GRIK2: variants seen among roughly 807,000 people sequenced by gnomAD.
The protein encoded by GRIK2 is glutamate ionotropic receptor kainate type subunit 2.
A neutral mutation model predicts 100.3 loss-of-function variants in GRIK2; 32 were observed. The observed-to-expected ratio is 0.32, with a 90% CI of 0.24 to 0.43. The LOEUF is 0.43. GRIK2 is among the 20% of genes least tolerant of loss of function. GRIK2 has a pLI of 1.00. For synonymous variants in GRIK2, 417 were observed against 389.4 expected (o/e 1.07, Z -0.83); for missense variants, 843 against 1,114.9 (o/e 0.76, Z 3.47).
intron 11 of GRIK2, among the ~76,000 whole-genome samples, chr6:101,876,484 A>AACAGACACACACACACAC (rs368176541): frequency 1.3e-5 from 2 of 148,802 alleles, no homozygotes; most frequent in African/African-American, 5.0e-5. Flanking sequence ...AACAAAAACA[A>AACAGACACACACACACAC]ACACACACAC....
Position 101,664,574 on chromosome 6 carries a change from C to T in GRIK2, c.542-12049C>T, listed in dbSNP as rs140263684. On this transcript the variant is annotated intron_variant, in intron 4 of 16. Coordinates refer to ENST00000369134, the MANE Select transcript of GRIK2 (RefSeq NM_021956.5). ...AGAAGCCAAAAGGTTTTAGCCTTGG[C>T]ATGGCCAAAAGCACTGCTTACTTTT... Among the ~76,000 whole-genome samples, 1,230 of 152,340 alleles carry T rather than the reference C, an allele frequency of 8.1e-3. 13 individuals carry two copies. The highest frequency in any genetic ancestry group is 0.026 in the African/African-American group (1,101 of 41,572).
Position 102,013,835 on chromosome 6 carries a change from A to G in GRIK2, c.2086-21506A>G, listed in dbSNP as rs1244047187. On this transcript the variant is annotated intron_variant, in intron 14 of 16. Transcript: ENST00000369134. ...GTGCTGCTAGATTCAATTTACTAGT[A>G]TTTTGTTGAGGATTTTGCATCAGTG... Among the ~76,000 whole-genome samples, 13 of 152,064 alleles carry G rather than the reference A, an allele frequency of 8.5e-5. No homozygotes were observed. In the East Asian group the frequency reaches 2.1e-3, roughly 25 times the overall value.
intron 7 of GRIK2, among the ~76,000 whole-genome samples, chr6:101,765,993 A>G (rs1267764723): frequency 6.6e-6 from 1 of 152,140 alleles, no homozygotes; most frequent in Non-Finnish European, 1.5e-5. Flanking sequence ...GTTTAATATC[A>G]TTAACATTTA....
intron 10 of GRIK2, among the ~76,000 whole-genome samples, chr6:101,847,995 T>C (rs1008471440): frequency 6.6e-6 from 1 of 152,064 alleles, no homozygotes. Flanking sequence ...GGAAGCTCCT[T>C]ATGCAGATGA....
At chr6:101,639,028 G>C (rs1255756885) in intron 4 of GRIK2, among the ~76,000 whole-genome samples, 2 of 151,972 alleles carry the variant, frequency 1.3e-5, no homozygotes, top group Non-Finnish European at 2.9e-5. Flanking sequence ...GTAAGGACTT[G>C]TCCACGTAAA....
chr6:101,790,906 A>C (rs1485927659), intron 7 of GRIK2, among the ~76,000 whole-genome samples: 1 of 151,910 alleles, frequency 6.6e-6, no homozygotes, highest in Non-Finnish European at 1.5e-5. Context: ...GTCTATTCAG[A>C]GATTCAACTT....
At chr6:101,920,475 C>T (rs2791798) in intron 12 of GRIK2, among the ~76,000 whole-genome samples, 142,373 of 151,922 alleles carry the variant, frequency 0.94, 66,753 homozygotes, top group Middle Eastern at 0.97. Flanking sequence ...ATAACAAGAG[C>T]AGATGAGAAG....
chr6:101,831,736 A>AT (rs1312104500), intron 10 of GRIK2, among the ~76,000 whole-genome samples: 1 of 152,022 alleles, frequency 6.6e-6, no homozygotes, highest in African/African-American at 2.4e-5. Flanking sequence ...ATTTCTGTGT[A>AT]TTTTTTCCTG....
At chr6:101,572,041 CT>C (rs879574330) in intron 2 of GRIK2, among the ~76,000 whole-genome samples, 3 of 151,990 alleles carry the variant, frequency 2.0e-5, no homozygotes, top group Admixed American at 6.6e-5. Flanking sequence ...ACAGGCCAAT[CT>C]TTATTTTTGT....
intron 2 of GRIK2, among the ~76,000 whole-genome samples, chr6:101,551,589 A>C (rs1776509875): frequency 6.6e-6 from 1 of 152,146 alleles, no homozygotes; most frequent in Non-Finnish European, 1.5e-5. Flanking sequence ...TTTAATAAAC[A>C]AGAATTTGTT....
chr6:101,471,280 A>T (rs1416395007), intron 2 of GRIK2, among the ~76,000 whole-genome samples: 2 of 152,036 alleles, frequency 1.3e-5, no homozygotes, highest in Non-Finnish European at 2.9e-5. Context: ...CTCTCATATT[A>T]TACCTAATAC....
At chr6:101,425,545 T>C (rs970104280) in intron 2 of GRIK2, among the ~76,000 whole-genome samples, 3 of 152,308 alleles carry the variant, frequency 2.0e-5, no homozygotes, top group East Asian at 1.9e-4. Context: ...GCATCTTTTT[T>C]CCCAAATTTT....
intron 14 of GRIK2, among the ~76,000 whole-genome samples, chr6:101,933,617 A>G (rs191250781): frequency 6.6e-5 from 10 of 152,036 alleles, no homozygotes; most frequent in Admixed American, 6.6e-4. Flanking sequence ...TGTGTGCCCT[A>G]AATCAATGCC....
chr6:101,463,042 G>T (rs1771418605), intron 2 of GRIK2, among the ~76,000 whole-genome samples: 1 of 152,120 alleles, frequency 6.6e-6, no homozygotes. Context: ...TAAATCAATG[G>T]TTAGCCATCT....
intron 2 of GRIK2, among the ~76,000 whole-genome samples, chr6:101,522,426 A>G (rs1026569190): frequency 1.3e-5 from 2 of 152,172 alleles, no homozygotes; most frequent in African/African-American, 4.8e-5. Flanking sequence ...ACACAAGCCT[A>G]TCGTGGATTG....
At chr6:101,805,875 G>GA (rs1375095973) in intron 9 of GRIK2, among the ~76,000 whole-genome samples, 1 of 152,018 alleles carries the variant, frequency 6.6e-6, no homozygotes, top group Non-Finnish European at 1.5e-5. Flanking sequence ...GATAAACCAG[G>GA]AAGAAACCAG....
At chr6:101,969,223 CTATTG>C (rs1256265363) in intron 14 of GRIK2, among the ~76,000 whole-genome samples, 1 of 151,782 alleles carries the variant, frequency 6.6e-6, no homozygotes, top group Non-Finnish European at 1.5e-5. Flanking sequence ...TGGCAAACAG[CTATTG>C]TATTAATATT....
At position 102,065,808 on chromosome 6, in the gene GRIK2, T is replaced by C. The variant is rs745891503; in HGVS notation, c.2563-2539T>C. The C allele has an allele frequency of 3.9e-6, 6 of 1,523,562 alleles. No homozygotes were observed. In the South Asian group the frequency reaches 4.8e-5, roughly 12 times the overall value. 94.4% of individuals were successfully genotyped at this position (1,523,562 alleles called of 1,614,324 possible). A position where few individuals can be genotyped will look rare whatever the true frequency, so the allele number is the denominator to read the frequency against. ...AAATGTTTCAACAGAGAGCCAAGAC[T>C]AAGTTACCTCAAGACTATGTATTCC... On this transcript the variant is annotated intron_variant, in intron 16 of 16. Coordinates refer to ENST00000369134, the MANE Select transcript of GRIK2 (RefSeq NM_021956.5).
At chr6:101,877,481 A>G (rs984220822) in intron 11 of GRIK2, among the ~76,000 whole-genome samples, 10 of 151,988 alleles carry the variant, frequency 6.6e-5, no homozygotes, top group Admixed American at 1.3e-4. Flanking sequence ...CAAATACTAT[A>G]TACTTCATAT....
Sources: gnomAD v4.1 joint callset for allele counts (sites outside exome capture counted in the v4.1 genomes callset) on GRCh38, gnomAD v4.1.1 for gene constraint, MANE v1.5 for transcripts, NCBI Gene and HGNC (gene_info 2026-07-23, HGNC 2026-07-21) for gene names.